CHRDL1: variants seen among roughly 807,000 people sequenced by gnomAD.
The protein encoded by CHRDL1 is chordin like 1.
In CHRDL1, 19 loss-of-function variants were observed where a neutral mutation model predicts 40.9. The ratio of observed to expected loss-of-function variants is 0.46; its 90% CI spans 0.32 to 0.68. The LOEUF (loss-of-function observed/expected upper bound fraction) is 0.68. Among genes scored for constraint, CHRDL1 ranks in the 30% least tolerant of loss-of-function variants. The probability of loss-of-function intolerance (pLI) is 0.03; values close to 1 mark genes in which losing one functional copy is unlikely to be tolerated. For synonymous variants in CHRDL1, 136 were observed against 123.4 expected (o/e 1.10, Z -0.68); for missense variants, 329 against 352.1 (o/e 0.93, Z 0.53).
chrX:110,714,430 A>T (rs2070803284), intron 6 of CHRDL1, among the ~76,000 whole-genome samples: 1 of 112,127 alleles, frequency 8.9e-6, no homozygotes. Flanking sequence ...GAATGAGAGC[A>T]TGTCTTTTGC....
chrX:110,685,072 T>C (rs2069978102), intron 9 of CHRDL1, among the ~76,000 whole-genome samples: 1 of 112,281 alleles, frequency 8.9e-6, no homozygotes, highest in Non-Finnish European at 1.9e-5. Context: ...TGATAAATTT[T>C]ATTATGTTTT....
chrX:110,692,597 C>A lies in CHRDL1; in HGVS notation c.778+1566G>T, dbSNP rs562789258. Among the ~76,000 whole-genome samples the A allele has an allele frequency of 5.3e-5, 6 of 112,221 alleles. No individual in the cohort carries two copies. In the East Asian group the frequency reaches 1.7e-3, roughly 31 times the overall value. The stretch of plus-strand genomic sequence containing the variant: ...CACAGCAAATGGAATCTATTGGAGG[C>A]AATTTAGAATTGAAAATCAAGCTAT... On this transcript the variant is annotated intron_variant, in intron 8 of 11. Transcript: ENST00000372042.
In CHRDL1 at chrX:110,689,424, C is replaced by A. The variant is rs189617527; in HGVS notation, c.779-621G>T. ...TATATATCTATATATCTATATATATCTATATATCTATATATCTATATATAT... is the reference window on the plus strand; with the variant it reads ...TATATATCTATATATCTATATATATATATATATCTATATATCTATATATAT... On this transcript the variant is annotated intron_variant, in intron 8 of 11. Transcript: ENST00000372042. Among the ~76,000 whole-genome samples the A allele has an allele frequency of 2.5e-3, 169 of 67,251 alleles. 7 individuals are homozygous for A. Among genetic ancestry groups the A allele is most frequent in the African/African-American group, 0.021 (155 of 7,232 alleles). The allele number at this position is 67,251 out of a possible 115,157, so 58.4% of individuals were successfully genotyped here.
intron 6 of CHRDL1, among the ~76,000 whole-genome samples, chrX:110,703,612 G>A (rs1217825062): frequency 8.9e-6 from 1 of 111,912 alleles, no homozygotes; most frequent in Admixed American, 9.5e-5. Flanking sequence ...CAGGTTGGAG[G>A]TGATGGGAAA....
At chrX:110,686,748 G>C (rs772254651) in intron 9 of CHRDL1, among the ~76,000 whole-genome samples, 1 of 108,675 alleles carries the variant, frequency 9.2e-6, no homozygotes, top group Admixed American at 9.8e-5. Flanking sequence ...GTGGTGGTGC[G>C]TGCCTATAGT....
At chrX:110,792,710 C>CTCTA (rs781186132) in intron 1 of CHRDL1, among the ~76,000 whole-genome samples, 2 of 110,650 alleles carry the variant, frequency 1.8e-5, no homozygotes, top group Admixed American at 9.5e-5. Flanking sequence ...CTCCTGTGTC[C>CTCTA]TCTATGAGAT....
intron 5 of CHRDL1, among the ~76,000 whole-genome samples, chrX:110,720,140 T>C (rs757276433): frequency 9.9e-5 from 11 of 111,263 alleles, no homozygotes; most frequent in African/African-American, 3.3e-4. Context: ...ACAGAAAAGT[T>C]AGCAATCCTA....
intron 9 of CHRDL1, among the ~76,000 whole-genome samples, chrX:110,686,084 T>G (rs960590332): frequency 1.8e-5 from 2 of 109,224 alleles, no homozygotes; most frequent in Non-Finnish European, 3.8e-5. Context: ...TTTGTAGAGA[T>G]GGAGGTCTCA....
At chrX:110,693,593 G>A (rs1260018667) in intron 8 of CHRDL1, among the ~76,000 whole-genome samples, 2 of 110,669 alleles carry the variant, frequency 1.8e-5, no homozygotes, top group Admixed American at 1.9e-4. Flanking sequence ...GGCCTCGAGT[G>A]ATCCTCCTGC....
chrX:110,756,092 T>G (rs1319514863), intron 4 of CHRDL1, among the ~76,000 whole-genome samples: 2 of 112,177 alleles, frequency 1.8e-5, no homozygotes, highest in Non-Finnish European at 3.8e-5. Context: ...AAAGAAAGAA[T>G]AGCTGGTTGC....
In CHRDL1 at chrX:110,689,386, C is replaced by T. The variant is rs750803349; in HGVS notation, c.779-583G>A. ...TGCTGAGATTACAGGCATGAGCCAC[C>T]GCACCCAGCCTATATATATCTATAT... On this transcript the variant is annotated intron_variant, in intron 8 of 11. Coordinates refer to ENST00000372042, the MANE Select transcript of CHRDL1 (RefSeq NM_001143981.2). 5.8e-4 allele frequency among the ~76,000 whole-genome samples: 55 copies of T among 95,358 alleles called. 1 individual carries two copies. The highest frequency in any genetic ancestry group is 5.5e-4 in the Non-Finnish European group (27 of 49,101). 82.8% of individuals were successfully genotyped at this position (95,358 alleles called of 115,157 possible). A position where few individuals can be genotyped will look rare whatever the true frequency, so the allele number is the denominator to read the frequency against.
intron 4 of CHRDL1, among the ~76,000 whole-genome samples, chrX:110,734,745 C>T (rs2071233144): frequency 8.9e-6 from 1 of 112,084 alleles, no homozygotes; most frequent in Non-Finnish European, 1.9e-5. Context: ...AATTCCTCAA[C>T]CTCAAATCTT....
intron 6 of CHRDL1, among the ~76,000 whole-genome samples, chrX:110,710,536 C>T (rs2070729366): frequency 8.9e-6 from 1 of 112,377 alleles, no homozygotes; most frequent in Admixed American, 9.4e-5. Flanking sequence ...ATTTGTTAAA[C>T]TCAATGTGAA....
At chrX:110,684,646 G>T (rs944548674) in intron 9 of CHRDL1, among the ~76,000 whole-genome samples, 2 of 111,309 alleles carry the variant, frequency 1.8e-5, no homozygotes, top group African/African-American at 6.5e-5. Context: ...GAGCATGCTG[G>T]CAAGTAGCCT....
intron 6 of CHRDL1, among the ~76,000 whole-genome samples, chrX:110,718,729 T>C (rs1430453686): frequency 2.7e-5 from 3 of 112,335 alleles, no homozygotes; most frequent in African/African-American, 9.7e-5. Flanking sequence ...CTAAATAAAC[T>C]ACTTATTTTT....
chrX:110,750,185 C>T (rs777498452), intron 4 of CHRDL1, among the ~76,000 whole-genome samples: 13 of 111,656 alleles, frequency 1.2e-4, no homozygotes, highest in Non-Finnish European at 2.1e-4. Context: ...TGTGTTCAGA[C>T]GAAAGTAAAA....
intron 4 of CHRDL1, among the ~76,000 whole-genome samples, chrX:110,742,161 G>A (rs993759584): frequency 8.9e-6 from 1 of 112,139 alleles, no homozygotes; most frequent in Non-Finnish European, 1.9e-5. Flanking sequence ...GTAAGATATG[G>A]CCCTAGACTC....
chrX:110,729,314 C>CT (rs1259090151), intron 4 of CHRDL1, among the ~76,000 whole-genome samples: 52 of 105,003 alleles, frequency 5.0e-4, no homozygotes, highest in Non-Finnish European at 6.9e-4. Context: ...CTTTAGATTT[C>CT]TTTTTTTTTT....
intron 7 of CHRDL1, among the ~76,000 whole-genome samples, chrX:110,696,430 C>A (rs1347820315): frequency 9.1e-6 from 1 of 109,669 alleles, no homozygotes; most frequent in African/African-American, 3.3e-5. Flanking sequence ...GAAACTGAGG[C>A]CAAGGAGGAG....
Sources: gnomAD v4.1 joint callset for allele counts (sites outside exome capture counted in the v4.1 genomes callset) on GRCh38, gnomAD v4.1.1 for gene constraint, MANE v1.5 for transcripts, NCBI Gene and HGNC (gene_info 2026-07-23, HGNC 2026-07-21) for gene names.